HECW2: variants seen among roughly 807,000 people sequenced by gnomAD.
HECW2 encodes the protein E3 ubiquitin-protein ligase HECW2.
Under a neutral mutation model 175.2 loss-of-function variants are expected in HECW2, and 61 were observed. That is an observed-to-expected ratio of 0.35 (90% CI 0.28 to 0.43). The LOEUF (loss-of-function observed/expected upper bound fraction) is 0.43, where lower values mean the gene tolerates loss of function less well. Among genes scored for constraint, HECW2 ranks in the 20% least tolerant of loss-of-function variants. The probability of loss-of-function intolerance (pLI) is 1.00; values close to 1 mark genes in which losing one functional copy is unlikely to be tolerated. For missense variants in HECW2, 1,524 were observed against 2,000.5 expected (o/e 0.76, Z 4.54); for synonymous variants, 671 against 731.0 (o/e 0.92, Z 1.32).
intron 21 of HECW2, chr2:196,240,024 A>C (rs1372795249): frequency 2.0e-5 from 3 of 152,652 alleles, no homozygotes; most frequent in Non-Finnish European, 4.4e-5. Context: ...GCAAGATTCT[A>C]ATTCATGTTT....
At chr2:196,487,712 C>G (rs957505282) in intron 1 of HECW2, among the ~76,000 whole-genome samples, 4 of 152,144 alleles carry the variant, frequency 2.6e-5, no homozygotes, top group Non-Finnish European at 5.9e-5. Flanking sequence ...TTAACCATCT[C>G]AAAACTGTAG....
chr2:196,526,617 T>A (rs1688659519), intron 1 of HECW2, among the ~76,000 whole-genome samples: 1 of 139,846 alleles, frequency 7.2e-6, no homozygotes, highest in Non-Finnish European at 1.5e-5. Flanking sequence ...TTTTATCTAC[T>A]TTTGGTCTTT....
chr2:196,432,747 TAC>T (rs1695751646), intron 2 of HECW2, among the ~76,000 whole-genome samples: 1 of 152,238 alleles, frequency 6.6e-6, no homozygotes, highest in African/African-American at 2.4e-5. Flanking sequence ...CATCTAAATC[TAC>T]ACGTCTCTTT....
At chr2:196,336,510 G>A (rs528700341) in intron 3 of HECW2, among the ~76,000 whole-genome samples, 20 of 152,174 alleles carry the variant, frequency 1.3e-4, no homozygotes, top group Non-Finnish European at 2.4e-4. Context: ...TGGTTAGCGA[G>A]TGAGCAGGCC....
chr2:196,309,617 A>AT lies in HECW2; in HGVS notation c.2435-1533_2435-1532insA, dbSNP rs1264003782. 1.3e-3 allele frequency among the ~76,000 whole-genome samples: 10 copies of AT among 7,572 alleles called. No homozygotes were observed. In the East Asian group the frequency reaches 0.38, roughly 291 times the overall value. The allele number at this position is 7,572 out of a possible 152,430, so 5.0% of individuals were successfully genotyped here. ...TCTCAAAAGATTTTGGGAACCAATT[A>AT]CCCCATCTCATTCCTTTCTCATCGG... On this transcript the variant is annotated intron_variant, in intron 10 of 28. Transcript: ENST00000644978.
chr2:196,413,182 G>A (rs1695161662), intron 2 of HECW2, among the ~76,000 whole-genome samples: 1 of 152,128 alleles, frequency 6.6e-6, no homozygotes. Flanking sequence ...GAGAGACCCT[G>A]TCACTACAAA....
At position 196,195,044 on chromosome 2, in the gene HECW2, A is replaced by C. The variant is rs1686642261; in HGVS notation, c.*6233T>G. 6.6e-6 allele frequency: 1 copy of C among 152,218 alleles called. No individual in the cohort carries two copies. The highest frequency in any genetic ancestry group is 6.5e-5 in the Admixed American group (1 of 15,282). 9.4% of individuals were successfully genotyped at this position (152,218 alleles called of 1,614,324 possible). A position where few individuals can be genotyped will look rare whatever the true frequency, so the allele number is the denominator to read the frequency against. ...GGAATGCCTGCATCCCTATTATAAA[A>C]ACATGTAATTTTAAGCACTTTCCAA... On this transcript the variant is annotated 3_prime_UTR_variant, in exon 29 of 29. Transcript: ENST00000644978.
intron 1 of HECW2, among the ~76,000 whole-genome samples, chr2:196,457,771 C>T (rs1474865718): frequency 2.0e-5 from 3 of 152,036 alleles, no homozygotes; most frequent in Non-Finnish European, 2.9e-5. Context: ...CCAGGTCTTT[C>T]ACTTCTATTC....
intron 22 of HECW2, among the ~76,000 whole-genome samples, chr2:196,227,061 T>C (rs1329540702): frequency 6.6e-6 from 1 of 152,232 alleles, no homozygotes; most frequent in Non-Finnish European, 1.5e-5. Flanking sequence ...AATTTTAGTA[T>C]TGGGCAGCCA....
At chr2:196,363,766 G>A (rs1218488755) in intron 2 of HECW2, among the ~76,000 whole-genome samples, 4 of 152,204 alleles carry the variant, frequency 2.6e-5, no homozygotes, top group South Asian at 2.1e-4. Flanking sequence ...TGAGGCTACA[G>A]TGAGCTACAA....
intron 14 of HECW2, among the ~76,000 whole-genome samples, chr2:196,285,217 C>A (rs924537029): frequency 4.6e-5 from 7 of 152,094 alleles, no homozygotes; most frequent in African/African-American, 1.7e-4. Context: ...AAAAAGCCAT[C>A]ACTATTTATG....
chr2:196,267,488 G>A (rs1689561752), intron 17 of HECW2, among the ~76,000 whole-genome samples: 1 of 151,968 alleles, frequency 6.6e-6, no homozygotes, highest in African/African-American at 2.4e-5. Context: ...CTGACGTTTG[G>A]AAGCTGATTT....
intron 21 of HECW2, 160 bp downstream of exon 21, chr2:196,240,288 AG>A: frequency 2.3e-6 from 1 of 425,744 alleles, no homozygotes; most frequent in Non-Finnish European, 4.2e-6. Context: ...TAAAAGCCAG[AG>A]GAGACCTTTA....
At chr2:196,481,217 C>T (rs893101958) in intron 1 of HECW2, among the ~76,000 whole-genome samples, 3 of 152,216 alleles carry the variant, frequency 2.0e-5, no homozygotes, top group African/African-American at 7.2e-5. Flanking sequence ...TTGAAGACCA[C>T]AAACTTGTTT....
chr2:196,471,447 C>A (rs573827707), intron 1 of HECW2, among the ~76,000 whole-genome samples: 8 of 152,134 alleles, frequency 5.3e-5, no homozygotes, highest in Non-Finnish European at 1.0e-4. Flanking sequence ...TCATTTGACC[C>A]AGCAATCCTA....
intron 1 of HECW2, among the ~76,000 whole-genome samples, chr2:196,584,075 C>T (rs1418262951): frequency 2.6e-5 from 4 of 152,176 alleles, no homozygotes; most frequent in African/African-American, 9.7e-5. Context: ...AGGGAAACTA[C>T]ACTGAATTCC....
chr2:196,312,518 A>G (rs1019332260), intron 10 of HECW2, among the ~76,000 whole-genome samples: 2 of 152,204 alleles, frequency 1.3e-5, no homozygotes, highest in Non-Finnish European at 2.9e-5. Flanking sequence ...CCATTTGTAT[A>G]AAGTACAAAA....
intron 1 of HECW2, among the ~76,000 whole-genome samples, chr2:196,497,538 C>T (rs1212404102): frequency 6.6e-6 from 1 of 151,990 alleles, no homozygotes; most frequent in South Asian, 2.1e-4. Context: ...GAAAACAATA[C>T]CCCAAATGAA....
chr2:196,335,755 A>G (rs375850253), intron 3 of HECW2, among the ~76,000 whole-genome samples: 2 of 152,372 alleles, frequency 1.3e-5, no homozygotes, highest in East Asian at 3.9e-4. Flanking sequence ...TATTTATGTG[A>G]GTCACTATCC....
Sources: allele counts gnomAD v4.1 joint callset (sites outside exome capture counted in the v4.1 genomes callset), GRCh38; gene constraint gnomAD v4.1.1; transcripts MANE v1.5; gene names NCBI Gene and HGNC (gene_info 2026-07-23, HGNC 2026-07-21).